The following ATMIN variants were observed in gnomAD, a reference collection of about 807,000 sequenced individuals.
The protein encoded by ATMIN is ATM INteracting protein.
Under a neutral mutation model 49.2 loss-of-function variants are expected in ATMIN, and 24 were observed. The observed-to-expected ratio is 0.49, with a 90% CI of 0.35 to 0.69. The LOEUF (loss-of-function observed/expected upper bound fraction) is 0.69. Ranked by LOEUF, ATMIN falls within the 30% of genes least tolerant of loss-of-function variation. The probability of loss-of-function intolerance (pLI) is 0.00; values close to 1 mark genes in which losing one functional copy is unlikely to be tolerated. For synonymous variants in ATMIN, 450 were observed against 392.5 expected, an observed-to-expected ratio of 1.15 and a Z score of -1.73; for missense variants, 1,037 against 1,005.5, an observed-to-expected ratio of 1.03 and a Z score of -0.42.
At position 81,043,980 on chromosome 16, in the gene ATMIN, A is replaced by T. The variant is rs772184788; in HGVS notation, c.1482A>T (p.Gln494His). The T allele has an allele frequency of 1.2e-6, 2 of 1,614,196 alleles. No homozygotes were observed. Among genetic ancestry groups the T allele is most frequent in the Non-Finnish European group, 1.7e-6 (2 of 1,180,040 alleles). The stretch of plus-strand genomic sequence containing the variant: ...CAGGTGGGGTCTCCAGAGAAACTCA[A>T]ACCAGTGGGATAGAAAGTCCAACGG... ...FQSGGVSRET[Q>H]TSGIESPTDD... The change falls in exon 4 of 4, where the codon CAA becomes CAT. Residue 494 changes from glutamine to histidine, a missense_variant. Transcript: ENST00000299575.
Position 81,044,701 on chromosome 16 carries a change from T to G in ATMIN, c.2203T>G (p.Ser735Ala). 6.2e-7 allele frequency: 1 copy of G among 1,614,192 alleles called. No individual in the cohort carries two copies. The highest frequency in any genetic ancestry group is 8.5e-7 in the Non-Finnish European group (1 of 1,180,028). The change falls in exon 4 of 4, where the codon TCA (serine) becomes GCA (alanine). Residue 735 changes from serine to alanine, a missense_variant. Physicochemically the swap from Ser to Ala is moderately conservative, Grantham distance 99. Coordinates refer to ENST00000299575, the MANE Select transcript of ATMIN (RefSeq NM_015251.3). The stretch of plus-strand genomic sequence containing the variant: ...CTCCAGCTTTTCCGTGAGTACTGAT[T>G]CATCTGACACAGAGACCCAAACTGA... The part of the protein sequence containing the change: ...KHSSFSVSTD[S>A]SDTETQTEGV...
rs1440342339 is a variant in ATMIN, at chr16:81,044,911, C to T, written c.2413C>T (p.Gln805Ter). 1 of 1,614,110 alleles carries T rather than the reference C, an allele frequency of 6.2e-7. No individual in the cohort carries two copies. The highest frequency in any genetic ancestry group is 1.1e-5 in the South Asian group (1 of 91,080). Residue 805 changes from glutamine to a stop codon, truncating the protein, a stop_gained, in exon 4 of 4, where the codon CAG (glutamine) becomes TAG (stop). Coordinates refer to ENST00000299575, the MANE Select transcript of ATMIN (RefSeq NM_015251.3). LOFTEE classifies it high-confidence loss of function. ...ADLAWNTMES[Q>*]FSSVETQTSA... ...TCTGGCCTGGAACACGATGGAGTCT[C>T]AGTTCAGCTCTGTAGAAACCCAGAC...
In ATMIN at chr16:81,044,511, G is replaced by A; in HGVS notation, c.2013G>A (p.Glu671=). 1 of 1,614,060 alleles carries A rather than the reference G, an allele frequency of 6.2e-7. No homozygotes were observed. The highest frequency in any genetic ancestry group is 8.5e-7 in the Non-Finnish European group (1 of 1,180,042). Residue 671 remains glutamate, a synonymous_variant, in exon 4 of 4, where the codon GAG becomes GAA. Coordinates refer to ENST00000299575, the MANE Select transcript of ATMIN (RefSeq NM_015251.3). ...TEPVLESLDI[E]TQTDFLLADT... ...CAGTCTTGGAGTCACTGGACATAGA[G>A]ACTCAAACGGACTTCTTACTCGCAG...
At chr16:81,041,695 T>C in intron 2 of ATMIN, 1 of 477,106 alleles carries the variant, frequency 2.1e-6, no homozygotes, top group Non-Finnish European at 3.6e-6. Flanking sequence ...TGAGTTAAAA[T>C]ACAGAGAGAG....
At chr16:81,038,642 A>G (rs1299806907) in intron 1 of ATMIN, among the ~76,000 whole-genome samples, 1 of 151,996 alleles carries the variant, frequency 6.6e-6, no homozygotes, top group African/African-American at 2.4e-5. Context: ...GGAGATCTGT[A>G]CCTTGTCTGG....
chr16:81,036,248 C>G (rs1597121935), intron 1 of ATMIN, 42 bp downstream of exon 1: 1 of 1,255,348 alleles, frequency 8.0e-7, no homozygotes, highest in South Asian at 2.2e-5. Flanking sequence ...CCGGGCCTGG[C>G]TCCAACAAAG....
chr16:81,044,914 T>A lies in ATMIN; in HGVS notation c.2416T>A (p.Phe806Ile). The A allele has an allele frequency of 6.2e-7, 1 of 1,614,092 alleles. No individual in the cohort carries two copies. Among genetic ancestry groups the A allele is most frequent in the African/African-American group, 1.3e-5 (1 of 75,042 alleles). The change falls in exon 4 of 4, where the codon TTC (phenylalanine) becomes ATC (isoleucine). Residue 806 changes from phenylalanine (F) to isoleucine (I), a missense_variant. Physicochemically the swap from Phe to Ile is conservative, Grantham distance 21. Transcript: ENST00000299575. ...GGCCTGGAACACGATGGAGTCTCAG[T>A]TCAGCTCTGTAGAAACCCAGACTTC... ...DLAWNTMESQ[F>I]SSVETQTSAE...
At chr16:81,038,774 C>T (rs1274632613) in intron 1 of ATMIN, among the ~76,000 whole-genome samples, 2 of 152,098 alleles carry the variant, frequency 1.3e-5, no homozygotes, top group Non-Finnish European at 1.5e-5. Flanking sequence ...GCTCCTGCCA[C>T]CATGCCCTGC....
Position 81,038,081 on chromosome 16 carries a change from G to A in ATMIN, c.336+1875G>A, listed in dbSNP as rs11865195. On this transcript the variant is annotated intron_variant, in intron 1 of 3. Transcript: ENST00000299575. ...TCTGTTGAACATAAAGATACCATTT[G>A]CCTTTCAGGACTGGTTAGTATACAG... is the stretch of plus-strand genomic sequence containing the variant. Among the ~76,000 whole-genome samples, 209 of 152,214 alleles carry A rather than the reference G, an allele frequency of 1.4e-3. 1 individual carries two copies. The highest frequency in any genetic ancestry group is 4.8e-3 in the African/African-American group (200 of 41,538).
chr16:81,037,464 AATGTACCTGAGGT>A (rs1220216290), intron 1 of ATMIN: 1 of 985,334 alleles, frequency 1.0e-6, no homozygotes, highest in African/African-American at 1.7e-5. Context: ...CCAGTCAGGA[AATGTACCTGAGGT>A]ATGCTGAGGA....
intron 1 of ATMIN, among the ~76,000 whole-genome samples, chr16:81,038,287 C>A (rs895045894): frequency 6.6e-6 from 1 of 152,054 alleles, no homozygotes; most frequent in East Asian, 1.9e-4. Flanking sequence ...CATACCACCA[C>A]GCCCAGCTAA....
At chr16:81,036,348 C>G in intron 1 of ATMIN, 142 bp downstream of exon 1, 13 of 817,768 alleles carry the variant, frequency 1.6e-5, no homozygotes, top group Non-Finnish European at 2.0e-5. Context: ...CTGCCCTCCC[C>G]GGCCGGAGGC....
At position 81,044,129 on chromosome 16, in the gene ATMIN, A is replaced by C; in HGVS notation, c.1631A>C (p.His544Pro). The C allele has an allele frequency of 6.2e-7, 1 of 1,614,248 alleles. No individual in the cohort carries two copies. The highest frequency in any genetic ancestry group is 8.5e-7 in the Non-Finnish European group (1 of 1,180,030). Reference protein sequence around the residue: ...SNSLVAETVTHSLLPQNEPKT... With the variant: ...SNSLVAETVTPSLLPQNEPKT... ...AGTTTAGTAGCAGAGACAGTAACTC[A>C]TAGTTTGTTACCTCAGAATGAGCCT... Residue 544 changes from histidine to proline, a missense_variant, in exon 4 of 4, where the codon CAT becomes CCT. Physicochemically the swap from His to Pro is moderately conservative, Grantham distance 77. Transcript: ENST00000299575.
intron 1 of ATMIN, among the ~76,000 whole-genome samples, chr16:81,038,718 T>G (rs1027767849): frequency 1.3e-5 from 2 of 152,178 alleles, no homozygotes; most frequent in Non-Finnish European, 2.9e-5. Context: ...GCTCTTGAGC[T>G]CAAGTGATCC....
chr16:81,044,927 A>G lies in ATMIN; in HGVS notation c.2429A>G (p.Glu810Gly). Residue 810 changes from glutamate (E) to glycine (G), a missense_variant, in exon 4 of 4, where the codon GAA becomes GGA. Coordinates refer to ENST00000299575, the MANE Select transcript of ATMIN (RefSeq NM_015251.3). ...NTMESQFSSV[E>G]TQTSAEPHTV... ...ATGGAGTCTCAGTTCAGCTCTGTAG[A>G]AACCCAGACTTCTGCGGAACCACAC... The G allele has an allele frequency of 1.2e-6, 2 of 1,613,982 alleles. No homozygotes were observed. Among genetic ancestry groups the G allele is most frequent in the Non-Finnish European group, 1.7e-6 (2 of 1,179,868 alleles).
intron 3 of ATMIN, 84 bp from the exon 4 acceptor site, chr16:81,043,077 T>G: frequency 6.8e-7 from 1 of 1,472,304 alleles, no homozygotes; most frequent in Non-Finnish European, 9.1e-7. Context: ...ATGGGGGAAA[T>G]GGCATTTGTA....
chr16:81,038,228 T>A (rs958397665), intron 1 of ATMIN, among the ~76,000 whole-genome samples: 1 of 151,982 alleles, frequency 6.6e-6, no homozygotes, highest in Non-Finnish European at 1.5e-5. Flanking sequence ...CCTCCCAGGT[T>A]CAAGCGAGTC....
Position 81,046,182 on chromosome 16 carries a change from G to A in ATMIN, c.*1212G>A, listed in dbSNP as rs980187919. The A allele has an allele frequency of 9.9e-5, 15 of 152,190 alleles. No homozygotes were observed. Among genetic ancestry groups the A allele is most frequent in the African/African-American group, 3.4e-4 (14 of 41,502 alleles). The allele number at this position is 152,190 out of a possible 1,614,324, so 9.4% of individuals were successfully genotyped here. A position where few individuals can be genotyped will look rare whatever the true frequency, so the allele number is the denominator to read the frequency against. On this transcript the variant is annotated 3_prime_UTR_variant, in exon 4 of 4. Coordinates refer to ENST00000299575, the MANE Select transcript of ATMIN (RefSeq NM_015251.3). ...GCTGTTTCCCCAAGTGCATCCACAA[G>A]CTGGATCTGAGTTTTGTCACTCTAA...
intron 3 of ATMIN, 25 bp downstream of exon 3, chr16:81,042,505 A>C (rs780732149): frequency 6.2e-7 from 1 of 1,607,122 alleles, no homozygotes; most frequent in East Asian, 2.2e-5. Flanking sequence ...ATGATGGCAC[A>C]GAAGTCAGTA....
Sources: allele counts gnomAD v4.1 joint callset (sites outside exome capture counted in the v4.1 genomes callset), GRCh38; gene constraint gnomAD v4.1.1; transcripts MANE v1.5; gene names NCBI Gene and HGNC (gene_info 2026-07-23, HGNC 2026-07-21).